Variants in XG observed in about 807,000 individuals in gnomAD.
XG encodes the protein Xg glycoprotein (Xg blood group), also known as glycoprotein Xg.
Under a neutral mutation model 25.7 loss-of-function variants are expected in XG, and 24 were observed. The observed-to-expected ratio is 0.93, with a 90% confidence interval of 0.68 to 1.31. The LOEUF (loss-of-function observed/expected upper bound fraction) is 1.31, where lower values mean the gene tolerates loss of function less well. XG is among the 40% of genes most tolerant of loss of function. XG has a pLI of 0.00. For synonymous variants in XG, 77 were observed against 69.2 expected, an observed-to-expected ratio of 1.11 and a Z score of -0.56; for missense variants, 181 against 187.6, an observed-to-expected ratio of 0.96 and a Z score of 0.21.
chrX:2,784,975 C>T (rs919880924), intron 4 of XG, among the ~76,000 whole-genome samples: 7 of 112,358 alleles, frequency 6.2e-5, no homozygotes, highest in African/African-American at 1.9e-4. Context: ...TCAGGAGGTC[C>T]TGATGACAAG....
chrX:2,774,812 G>A (rs1474382774), intron 3 of XG, 73 bp downstream of exon 3: 27 of 1,584,690 alleles, frequency 1.7e-5, no homozygotes, highest in Middle Eastern at 3.3e-4. Context: ...GATGGTTGAG[G>A]ATGTTTTACA....
intron 9 of XG, 68 bp downstream of exon 9, chrX:2,808,288 G>C (rs931860764): frequency 2.6e-4 from 300 of 1,142,300 alleles, no homozygotes; most frequent in Non-Finnish European, 4.8e-5. Context: ...GTGCTGGGAG[G>C]AGCTGTGTGG....
intron 3 of XG, 92 bp from the exon 4 acceptor site, chrX:2,781,974 C>G (rs748511467): frequency 2.2e-6 from 2 of 918,656 alleles, no homozygotes; most frequent in Non-Finnish European, 3.2e-6. Context: ...ACTGCAAGGT[C>G]GATAGTCACG....
chrX:2,789,734 A>T (rs1376219923), intron 5 of XG, 28 bp downstream of exon 5: 1 of 665,763 alleles, frequency 1.5e-6, no homozygotes, highest in Non-Finnish European at 2.0e-6. Context: ...ATTTATTTTT[A>T]TTTTATTTTA....
At position 2,781,197 on chromosome X, in the gene XG, G is replaced by A. The variant is rs190299891; in HGVS notation, c.128-869G>A. On this transcript the variant is annotated intron_variant, in intron 3 of 10. Coordinates refer to ENST00000644266, the MANE Select transcript of XG (RefSeq NM_001141919.2). ...AAAGCCCACCGAGAGTTTTTCCCAG[G>A]ACTTTCCCGGGCCTTAAAGCATGAC... Among the ~76,000 whole-genome samples the A allele has an allele frequency of 6.6e-5, 10 of 151,722 alleles. 1 individual carries two copies. Among genetic ancestry groups the A allele is most frequent in the African/African-American group, 2.4e-4 (10 of 41,388 alleles).
chrX:2,806,635 T>A, intron 7 of XG, 66 bp from the exon 8 acceptor site: 1 of 998,655 alleles, frequency 1.0e-6, no homozygotes, highest in African/African-American at 1.9e-5. Flanking sequence ...CCTGCTTGCT[T>A]CTGTAAGATC....
chrX:2,759,849 G>T (rs1465389586), intron 1 of XG, among the ~76,000 whole-genome samples: 1 of 152,252 alleles, frequency 6.6e-6, no homozygotes, highest in Non-Finnish European at 1.5e-5. Context: ...CGATGGATCA[G>T]GGGCCAGAGG....
chrX:2,776,170 A>G lies in XG; in HGVS notation c.127+1431A>G, dbSNP rs766987125. Among the ~76,000 whole-genome samples the G allele has an allele frequency of 2.9e-3, 444 of 152,110 alleles. 4 individuals are homozygous for G. The highest frequency in any genetic ancestry group is 0.01 in the African/African-American group (423 of 41,440). Reference sequence around the variant, plus strand: ...ACAAATTAAGAGTCCTTTATAAGCCAGCGACCGAGAGACGGCTAATGCTTA... The same window carrying G: ...ACAAATTAAGAGTCCTTTATAAGCCGGCGACCGAGAGACGGCTAATGCTTA... On this transcript the variant is annotated intron_variant, in intron 3 of 10. Transcript: ENST00000644266.
rs1021544135 is a variant in XG, at chrX:2,815,672, A to T, written c.*1292A>T. 4 of 111,043 alleles carry T rather than the reference A, an allele frequency of 3.6e-5. No individual in the cohort carries two copies. Among genetic ancestry groups the T allele is most frequent in the African/African-American group, 1.3e-4 (4 of 30,607 alleles). The allele number at this position is 111,043 out of a possible 1,213,427, so 9.2% of individuals were successfully genotyped here. ...TCCTATTTCAGTATTAGGTCCTGCA[A>T]CACTTTTCAATTCTTGTAGAAGGTT... is the stretch of plus-strand genomic sequence containing the variant. On this transcript the variant is annotated 3_prime_UTR_variant, in exon 11 of 11. Transcript: ENST00000644266.
At chrX:2,771,896 C>A (rs1375087537) in intron 2 of XG, among the ~76,000 whole-genome samples, 1 of 152,174 alleles carries the variant, frequency 6.6e-6, no homozygotes, top group African/African-American at 2.4e-5. Flanking sequence ...TAATGACTCA[C>A]CCCAACATGG....
At chrX:2,811,499 T>TAAA (rs11439714) in intron 10 of XG, 47 bp downstream of exon 10, 28 of 665,975 alleles carry the variant, frequency 4.2e-5, no homozygotes, top group Admixed American at 1.2e-4. Context: ...AAGCCTGATT[T>TAAA]AAAAAAAAAA....
At chrX:2,756,633 A>G (rs1349126538) in intron 1 of XG, among the ~76,000 whole-genome samples, 2 of 152,250 alleles carry the variant, frequency 1.3e-5, no homozygotes, top group Admixed American at 1.3e-4. Context: ...GATATACACC[A>G]GCTAAGACAG....
At chrX:2,806,609 G>A in intron 7 of XG, 92 bp from the exon 8 acceptor site, 1 of 791,200 alleles carries the variant, frequency 1.3e-6, no homozygotes, top group South Asian at 2.5e-5. Context: ...AGAGCATCTT[G>A]CTTCAGGTTT....
At chrX:2,773,067 T>C (rs752093396) in intron 2 of XG, among the ~76,000 whole-genome samples, 1 of 80,128 alleles carries the variant, frequency 1.2e-5, no homozygotes, top group South Asian at 4.5e-4. Flanking sequence ...AAAGGAAGGA[T>C]GGGAGAGAGG....
At chrX:2,771,431 G>A (rs1326260765) in intron 2 of XG, among the ~76,000 whole-genome samples, 1 of 152,112 alleles carries the variant, frequency 6.6e-6, no homozygotes, top group Non-Finnish European at 1.5e-5. Flanking sequence ...CCCATTCTGT[G>A]TTTTCATCAG....
chrX:2,778,837 G>T, intron 3 of XG, among the ~76,000 whole-genome samples: 1 of 150,570 alleles, frequency 6.6e-6, no homozygotes, highest in African/African-American at 2.5e-5. Flanking sequence ...GCAGTGGTGT[G>T]ATCTCACCTC....
intron 7 of XG, among the ~76,000 whole-genome samples, chrX:2,799,830 T>A (rs925013508): frequency 2.7e-5 from 3 of 111,760 alleles, no homozygotes; most frequent in Non-Finnish European, 5.6e-5. Context: ...ATCACAAAAT[T>A]TAATTTCCTT....
intron 6 of XG, among the ~76,000 whole-genome samples, chrX:2,795,921 G>A (rs1406773045): frequency 1.8e-5 from 2 of 110,775 alleles, no homozygotes; most frequent in Admixed American, 1.9e-4. Context: ...CTCTCAAAGC[G>A]TTGGGATTAC....
intron 4 of XG, among the ~76,000 whole-genome samples, chrX:2,788,210 C>A (rs2086803489): frequency 8.9e-6 from 1 of 112,421 alleles, no homozygotes; most frequent in Non-Finnish European, 1.9e-5. Context: ...AGCATCCTTG[C>A]CTTTTTTGTG....
Sources: allele counts gnomAD v4.1 joint callset (sites outside exome capture counted in the v4.1 genomes callset), GRCh38; gene constraint gnomAD v4.1.1; transcripts MANE v1.5; gene names NCBI Gene and HGNC (gene_info 2026-07-23, HGNC 2026-07-21).